Variants in BMPR1A observed in about 807,000 individuals in gnomAD.
BMPR1A encodes bone morphogenetic protein receptor type-1A.
A neutral mutation model predicts 66.0 loss-of-function variants in BMPR1A; 7 were observed. That is an observed-to-expected ratio of 0.11 (90% CI 0.06 to 0.20). The LOEUF is 0.20. Among genes scored for constraint, BMPR1A ranks in the 10% least tolerant of loss-of-function variants. The pLI is 1.00. For synonymous variants in BMPR1A, 200 were observed against 229.7 expected (o/e 0.87, Z 1.17); for missense variants, 408 against 669.1 (o/e 0.61, Z 4.31).
At chr10:86,849,283 T>A (rs1474281935) in intron 2 of BMPR1A, among the ~76,000 whole-genome samples, 1 of 152,256 alleles carries the variant, frequency 6.6e-6, no homozygotes, top group Non-Finnish European at 1.5e-5. Flanking sequence ...ACTCTATTCC[T>A]TATCTTTACC....
chr10:86,871,734 C>G (rs1842857655), intron 2 of BMPR1A, among the ~76,000 whole-genome samples: 1 of 151,758 alleles, frequency 6.6e-6, no homozygotes, highest in African/African-American at 2.4e-5. Context: ...TGCCTGGAGC[C>G]CAGGAGGCAG....
intron 1 of BMPR1A, among the ~76,000 whole-genome samples, chr10:86,763,070 A>G (rs1462975232): frequency 1.3e-5 from 2 of 151,816 alleles, no homozygotes; most frequent in Non-Finnish European, 2.9e-5. Context: ...TAATTTTTGT[A>G]TTTTTAGTAG....
intron 7 of BMPR1A, among the ~76,000 whole-genome samples, chr10:86,903,051 C>T (rs536394895): frequency 1.3e-5 from 2 of 152,252 alleles, no homozygotes; most frequent in South Asian, 2.1e-4. Context: ...CCAAACAGAT[C>T]ACACCATTTC....
intron 7 of BMPR1A, among the ~76,000 whole-genome samples, chr10:86,904,806 C>G (rs540103201): frequency 6.6e-6 from 1 of 152,338 alleles, no homozygotes; most frequent in South Asian, 2.1e-4. Context: ...AATCAGACAT[C>G]AGGAACTGGT....
chr10:86,786,060 T>C (rs894804744), intron 1 of BMPR1A, among the ~76,000 whole-genome samples: 6 of 152,166 alleles, frequency 3.9e-5, no homozygotes, highest in Non-Finnish European at 5.9e-5. Context: ...AAGAAAAATA[T>C]CTGCAAAGCT....
chr10:86,842,591 A>G (rs1023322999), intron 2 of BMPR1A, among the ~76,000 whole-genome samples: 2 of 152,176 alleles, frequency 1.3e-5, no homozygotes, highest in Non-Finnish European at 2.9e-5. Context: ...AAATTTTAAC[A>G]TTTAAAGATA....
At chr10:86,791,697 C>T (rs1373276103) in intron 1 of BMPR1A, among the ~76,000 whole-genome samples, 4 of 99,726 alleles carry the variant, frequency 4.0e-5, no homozygotes, top group Admixed American at 9.8e-5. Context: ...TCCTCCCTCC[C>T]TCCCTCCCTC....
intron 3 of BMPR1A, among the ~76,000 whole-genome samples, chr10:86,889,312 G>A (rs559999151): frequency 4.6e-5 from 7 of 152,218 alleles, no homozygotes; most frequent in African/African-American, 1.7e-4. Context: ...CAATGACCTC[G>A]AGGTGAAAAT....
chr10:86,919,732 G>C (rs996276252), intron 10 of BMPR1A, among the ~76,000 whole-genome samples: 1 of 151,192 alleles, frequency 6.6e-6, no homozygotes, highest in African/African-American at 2.4e-5. Context: ...TTTAAAGACA[G>C]TGTCTCACTC....
At chr10:86,763,846 C>A (rs1841118403) in intron 1 of BMPR1A, among the ~76,000 whole-genome samples, 1 of 138,046 alleles carries the variant, frequency 7.2e-6, no homozygotes, top group South Asian at 2.3e-4. Flanking sequence ...GGCTGGAGTG[C>A]AGTGGCGCAT....
intron 1 of BMPR1A, among the ~76,000 whole-genome samples, chr10:86,817,430 CCTT>C: frequency 6.6e-6 from 1 of 152,302 alleles, no homozygotes; most frequent in East Asian, 1.9e-4. Flanking sequence ...TTTCCCTCCT[CCTT>C]AAGGCTGAAC....
At chr10:86,835,622 T>G (rs1842336410) in intron 1 of BMPR1A, among the ~76,000 whole-genome samples, 1 of 140,690 alleles carries the variant, frequency 7.1e-6, no homozygotes, top group Non-Finnish European at 1.5e-5. Context: ...AAAGAATATT[T>G]ACACTATTCT....
rs1357893294 is a variant in BMPR1A, at chr10:86,756,817, A to C, written c.-370A>C. On this transcript the variant is annotated 5_prime_UTR_variant, in exon 1 of 13. Transcript: ENST00000372037. ...GGGGCGACCGGGTCGGGGCCGCTGC[A>C]CGCCAAGGGCGAAGGCCGATTCGGG... 1.3e-5 allele frequency: 2 copies of C among 151,214 alleles called. No homozygotes were observed. Among genetic ancestry groups the C allele is most frequent in the Non-Finnish European group, 3.0e-5 (2 of 67,748 alleles). The allele number at this position is 151,214 out of a possible 1,614,324, so 9.4% of individuals were successfully genotyped here.
chr10:86,856,981 T>G (rs1842650104), intron 2 of BMPR1A, among the ~76,000 whole-genome samples: 1 of 152,230 alleles, frequency 6.6e-6, no homozygotes, highest in Non-Finnish European at 1.5e-5. Flanking sequence ...GTTCCTAACA[T>G]GGAGCTTCTG....
At chr10:86,918,647 G>T in intron 9 of BMPR1A, among the ~76,000 whole-genome samples, 2 of 140,634 alleles carry the variant, frequency 1.4e-5, no homozygotes, top group African/African-American at 5.4e-5. Context: ...TTTTTGAGAC[G>T]GAGTCTCATT....
intron 2 of BMPR1A, among the ~76,000 whole-genome samples, chr10:86,848,563 T>C (rs1395202397): frequency 6.6e-6 from 1 of 152,184 alleles, no homozygotes; most frequent in Non-Finnish European, 1.5e-5. Context: ...ACTCCACTTT[T>C]TTGTTATATA....
Position 86,924,552 on chromosome 10 carries a change from C to T in BMPR1A, c.*833C>T, listed in dbSNP as rs2133633434. On this transcript the variant is annotated 3_prime_UTR_variant, in exon 13 of 13. Coordinates refer to ENST00000372037, the MANE Select transcript of BMPR1A (RefSeq NM_004329.3). ...TTATTATTTTTGTCACGGAAAGCATCCTCTCCAAAGTTGGAGCTTCTATTG... is the reference window on the plus strand; with the variant it reads ...TTATTATTTTTGTCACGGAAAGCATTCTCTCCAAAGTTGGAGCTTCTATTG... 1 of 233,612 alleles carries T rather than the reference C, an allele frequency of 4.3e-6. No homozygotes were observed. The highest frequency in any genetic ancestry group is 1.8e-4 in the South Asian group (1 of 5,532). The allele number at this position is 233,612 out of a possible 1,614,324, so 14.5% of individuals were successfully genotyped here. A position where few individuals can be genotyped will look rare whatever the true frequency, so the allele number is the denominator to read the frequency against.
intron 8 of BMPR1A, among the ~76,000 whole-genome samples, chr10:86,912,829 T>C (rs1019957016): frequency 6.6e-6 from 1 of 151,038 alleles, no homozygotes; most frequent in Non-Finnish European, 1.5e-5. Context: ...TCAACAGATA[T>C]TCTTAGAGAG....
chr10:86,790,222 T>TATATAAAA (rs1554878871), intron 1 of BMPR1A, among the ~76,000 whole-genome samples: 48 of 57,142 alleles, frequency 8.4e-4, no homozygotes, highest in African/African-American at 2.9e-3. Flanking sequence ...TATATATATA[T>TATATAAAA]ATATATATAT....
Sources: gnomAD v4.1 joint callset for allele counts (sites outside exome capture counted in the v4.1 genomes callset) on GRCh38, gnomAD v4.1.1 for gene constraint, MANE v1.5 for transcripts, NCBI Gene and HGNC (gene_info 2026-07-23, HGNC 2026-07-21) for gene names.